WDR19: variants seen among roughly 807,000 people sequenced by gnomAD.
WDR19 encodes WD repeat domain 19, also known as WD repeat-containing protein 19.
In WDR19, 121 loss-of-function variants were observed where a neutral mutation model predicts 180.0. That is an observed-to-expected ratio of 0.67 (90% CI 0.58 to 0.78). WDR19 has a LOEUF of 0.78. Ranked by LOEUF, WDR19 falls within the 30% of genes least tolerant of loss-of-function variation. The pLI, the probability that WDR19 is intolerant of heterozygous loss-of-function variation, is 0.00. For synonymous variants in WDR19, 497 were observed against 540.7 expected, an observed-to-expected ratio of 0.92 and a Z score of 1.12; for missense variants, 1,450 against 1,640.7, an observed-to-expected ratio of 0.88 and a Z score of 2.01.
chr4:39,263,509 G>A (rs866927239), intron 28 of WDR19, among the ~76,000 whole-genome samples: 8 of 151,978 alleles, frequency 5.3e-5, no homozygotes, highest in African/African-American at 7.3e-5. Context: ...GCACCCTGCC[G>A]TGAGTTGCCT....
At chr4:39,189,262 A>G (rs1356595531) in intron 3 of WDR19, among the ~76,000 whole-genome samples, 3 of 152,110 alleles carry the variant, frequency 2.0e-5, no homozygotes, top group Non-Finnish European at 2.9e-5. Context: ...CCTCTCTGTC[A>G]ATCTAAAATA....
chr4:39,277,745 G>A (rs1578059559), intron 34 of WDR19, among the ~76,000 whole-genome samples: 1 of 152,092 alleles, frequency 6.6e-6, no homozygotes, highest in East Asian at 1.9e-4. Context: ...CTTATAACTG[G>A]AATTCAATTA....
intron 4 of WDR19, among the ~76,000 whole-genome samples, chr4:39,191,858 C>G (rs1726179562): frequency 6.6e-6 from 1 of 152,168 alleles, no homozygotes; most frequent in Non-Finnish European, 1.5e-5. Flanking sequence ...GTAACCTGTA[C>G]ATTTCCCTAG....
rs755139948 is a variant in WDR19 at position 39,273,016 on chromosome 4, C to A, written c.3520C>A (p.Arg1174Ser). 1 of 1,605,442 alleles carries A rather than the reference C, an allele frequency of 6.2e-7. No homozygotes were observed. Among genetic ancestry groups the A allele is most frequent in the Non-Finnish European group, 8.5e-7 (1 of 1,176,312 alleles). The change falls in exon 32 of 37, where the codon CGC (arginine) becomes AGC (serine). Residue 1174 changes from arginine to serine, a missense_variant. Transcript: ENST00000399820. ...VKNGDHMKGA[R>S]MLIRVANNIS... ...AAATGGAGATCACATGAAAGGGGCT[C>A]GCATGCTCATTCGGGTGGCCAACAA... is the stretch of plus-strand genomic sequence containing the variant.
At chr4:39,277,235 A>G in intron 34 of WDR19, 92 bp downstream of exon 34, 1 of 1,361,614 alleles carries the variant, frequency 7.3e-7, no homozygotes. Context: ...CTTCACTTTT[A>G]AAATAATCTT....
intron 20 of WDR19, chr4:39,237,812 T>C (rs921584694): frequency 6.6e-6 from 1 of 152,270 alleles, no homozygotes; most frequent in African/African-American, 2.4e-5. Flanking sequence ...AGTCTTAGAA[T>C]ATAAAACTTC....
chr4:39,267,647 G>A (rs187023109), intron 29 of WDR19, among the ~76,000 whole-genome samples: 5 of 152,194 alleles, frequency 3.3e-5, no homozygotes, highest in African/African-American at 1.2e-4. Flanking sequence ...ACTCTGTGGA[G>A]TAGGGTCAGG....
At chr4:39,232,098 T>TA in intron 18 of WDR19, 64 bp from the exon 19 acceptor site, 1 of 1,502,042 alleles carries the variant, frequency 6.7e-7, no homozygotes, top group Non-Finnish European at 9.1e-7. Flanking sequence ...ATCAAAGTCC[T>TA]TAAAAAAAAA....
chr4:39,186,506 T>TAAAAAAAAAAAAAAAAAAAAAAAAAAA (rs1725568607), intron 2 of WDR19, 33 bp from the exon 3 acceptor site: 1 of 555,676 alleles, frequency 1.8e-6, no homozygotes. Flanking sequence ...AAAAAAAAAG[T>TAAAAAAAAAAAAAAAAAAAAAAAAAAA]AAATCATATC....
chr4:39,195,757 C>T (rs1241589932), intron 5 of WDR19, among the ~76,000 whole-genome samples: 1 of 152,122 alleles, frequency 6.6e-6, no homozygotes, highest in Non-Finnish European at 1.5e-5. Context: ...ATCATGGCAC[C>T]CACAGATACT....
In WDR19 at chr4:39,234,804, A is replaced by G. The variant is rs1340705825; in HGVS notation, c.2292A>G (p.Gln764=). The G allele has an allele frequency of 1.9e-6, 3 of 1,585,470 alleles. No individual in the cohort carries two copies. The highest frequency in any genetic ancestry group is 1.7e-6 in the Non-Finnish European group (2 of 1,164,644). The part of the protein sequence containing the change: ...RDLQHWDSAL[Q]LAKHLAPDQI... ...TACAGCATTGGGACAGTGCTCTACAACTGGCAAAGCATTTGGCCCCAGACC... is the reference window on the plus strand; with the variant it reads ...TACAGCATTGGGACAGTGCTCTACAGCTGGCAAAGCATTTGGCCCCAGACC... The change falls in exon 20 of 37, where the codon CAA becomes CAG. Residue 764 remains glutamine (Q), a synonymous_variant. Transcript: ENST00000399820.
chr4:39,205,163 G>C lies in WDR19; in HGVS notation c.613G>C (p.Val205Leu), dbSNP rs758413433. The change falls in exon 8 of 37, where the codon GTG becomes CTG. Residue 205 changes from valine (V) to leucine (L), a missense_variant. Val to Leu is a conservative substitution (Grantham distance 32). Coordinates refer to ENST00000399820, the MANE Select transcript of WDR19 (RefSeq NM_025132.4). ...TAATCTTTTCTGGCAGATAAGTGTG[G>C]TGCTTGGCAAGAAAACTTTGTTTTT... ...TSAAESMISV[V>L]LGKKTLFFLN... 4 of 1,584,360 alleles carry C rather than the reference G, an allele frequency of 2.5e-6. No homozygotes were observed. The highest frequency in any genetic ancestry group is 3.4e-6 in the Non-Finnish European group (4 of 1,163,886).
intron 24 of WDR19, among the ~76,000 whole-genome samples, chr4:39,247,024 G>A (rs1732598120): frequency 6.6e-6 from 1 of 152,242 alleles, no homozygotes; most frequent in South Asian, 2.1e-4. Context: ...CCAGCACGCA[G>A]CTTGAGATCT....
At chr4:39,189,056 G>A (rs554977297) in intron 3 of WDR19, among the ~76,000 whole-genome samples, 1 of 152,120 alleles carries the variant, frequency 6.6e-6, no homozygotes, top group African/African-American at 2.4e-5. Context: ...CCAAGTAGCT[G>A]GGATTACAGG....
intron 4 of WDR19, among the ~76,000 whole-genome samples, chr4:39,190,593 T>C (rs1315216298): frequency 1.3e-5 from 2 of 152,182 alleles, no homozygotes; most frequent in Non-Finnish European, 2.9e-5. Flanking sequence ...ATATACACGC[T>C]ATGAGACCAG....
chr4:39,257,555 G>GT lies in WDR19; in HGVS notation c.3183+2dup. ...GGCAATAGAAATGGCAATTGAAACT[G>GT]TAAGTACGCTTTCAATGAAACTTTC... On this transcript the variant is annotated splice_donor_variant, in intron 28 of 36. Coordinates refer to ENST00000399820, the MANE Select transcript of WDR19 (RefSeq NM_025132.4). LOFTEE classifies it high-confidence loss of function. 6.3e-7 allele frequency: 1 copy of GT among 1,577,964 alleles called. No homozygotes were observed. Among genetic ancestry groups the GT allele is most frequent in the South Asian group, 1.2e-5 (1 of 85,022 alleles).
chr4:39,244,146 C>A, intron 21 of WDR19, 102 bp from the exon 22 acceptor site: 2 of 1,324,002 alleles, frequency 1.5e-6, no homozygotes, highest in South Asian at 4.5e-5. Flanking sequence ...AAAAGTAAAC[C>A]ATAACCTTTG....
At chr4:39,200,192 T>A (rs1727226796) in intron 6 of WDR19, among the ~76,000 whole-genome samples, 1 of 152,248 alleles carries the variant, frequency 6.6e-6, no homozygotes, top group Non-Finnish European at 1.5e-5. Context: ...GACTAACACA[T>A]TCTTTGAATA....
intron 14 of WDR19, among the ~76,000 whole-genome samples, chr4:39,223,797 A>G (rs559276086): frequency 1.4e-4 from 22 of 152,268 alleles, no homozygotes; most frequent in Non-Finnish European, 3.1e-4. Flanking sequence ...GGGTAGACTA[A>G]TTTCCCACTT....
Sources: gnomAD v4.1 joint callset for allele counts (sites outside exome capture counted in the v4.1 genomes callset) on GRCh38, gnomAD v4.1.1 for gene constraint, MANE v1.5 for transcripts, NCBI Gene and HGNC (gene_info 2026-07-23, HGNC 2026-07-21) for gene names.